ARHGAP31: variants seen among roughly 807,000 people sequenced by gnomAD.
ARHGAP31 encodes Rho GTPase activating protein 31.
Under a neutral mutation model 113.9 loss-of-function variants are expected in ARHGAP31, and 34 were observed. The observed-to-expected ratio is 0.30, with a 90% CI of 0.23 to 0.40. The LOEUF (loss-of-function observed/expected upper bound fraction) is 0.40. ARHGAP31 is among the 10% of genes least tolerant of loss of function. The probability of loss-of-function intolerance (pLI) is 1.00; values close to 1 mark genes in which losing one functional copy is unlikely to be tolerated. For synonymous variants in ARHGAP31, 650 were observed against 684.8 expected, an observed-to-expected ratio of 0.95 and a Z score of 0.79; for missense variants, 1,548 against 1,767.1, an observed-to-expected ratio of 0.88 and a Z score of 2.22.
chr3:119,310,277 G>A (rs991155899), intron 1 of ARHGAP31, among the ~76,000 whole-genome samples: 2 of 152,230 alleles, frequency 1.3e-5, no homozygotes, highest in African/African-American at 4.8e-5. Flanking sequence ...AAGCTTCCAG[G>A]AGAGCAGCCA....
chr3:119,321,281 A>AC (rs1195448857), intron 1 of ARHGAP31, among the ~76,000 whole-genome samples: 23 of 55,608 alleles, frequency 4.1e-4, no homozygotes, highest in East Asian at 1.5e-3. Flanking sequence ...TATATATACT[A>AC]TATATATATA....
chr3:119,303,292 A>G (rs1387181335), intron 1 of ARHGAP31, among the ~76,000 whole-genome samples: 2 of 152,326 alleles, frequency 1.3e-5, no homozygotes, highest in African/African-American at 4.8e-5. Flanking sequence ...CTGGATTATC[A>G]GGAATCCAAT....
intron 1 of ARHGAP31, among the ~76,000 whole-genome samples, chr3:119,316,597 T>C (rs746755932): frequency 1.3e-5 from 2 of 152,172 alleles, no homozygotes; most frequent in African/African-American, 4.8e-5. Context: ...GTTGGTGAAA[T>C]AGTTGCTGTG....
At chr3:119,380,124 A>G (rs1399389224) in intron 3 of ARHGAP31, among the ~76,000 whole-genome samples, 1 of 152,180 alleles carries the variant, frequency 6.6e-6, no homozygotes. Flanking sequence ...CAAAATACCC[A>G]TACAGCAAAT....
At chr3:119,301,445 T>C (rs139697699) in intron 1 of ARHGAP31, among the ~76,000 whole-genome samples, 8 of 152,332 alleles carry the variant, frequency 5.3e-5, no homozygotes, top group African/African-American at 1.9e-4. Context: ...CTGTAAGCGG[T>C]GGACACACTC....
At chr3:119,392,394 G>A (rs997058390) in intron 7 of ARHGAP31, among the ~76,000 whole-genome samples, 2 of 152,216 alleles carry the variant, frequency 1.3e-5, no homozygotes, top group Non-Finnish European at 2.9e-5. Context: ...ACTGCAGTAA[G>A]CCTTGTTTGC....
chr3:119,332,349 G>A (rs991549261), intron 1 of ARHGAP31, among the ~76,000 whole-genome samples: 1 of 151,784 alleles, frequency 6.6e-6, no homozygotes, highest in South Asian at 2.1e-4. Flanking sequence ...ACAGGCGCCC[G>A]ACACCATGCC....
chr3:119,352,370 A>G (rs1375533584), intron 1 of ARHGAP31, among the ~76,000 whole-genome samples: 2 of 152,134 alleles, frequency 1.3e-5, no homozygotes, highest in Non-Finnish European at 2.9e-5. Context: ...CTCATTCGCT[A>G]CTGATGACTT....
chr3:119,333,130 C>T (rs2079910662), intron 1 of ARHGAP31, among the ~76,000 whole-genome samples: 1 of 152,114 alleles, frequency 6.6e-6, no homozygotes, highest in Non-Finnish European at 1.5e-5. Flanking sequence ...GCTATTTGTT[C>T]CATATGTTGG....
At chr3:119,396,136 T>C (rs550089311) in intron 8 of ARHGAP31, among the ~76,000 whole-genome samples, 4 of 152,296 alleles carry the variant, frequency 2.6e-5, no homozygotes, top group African/African-American at 9.6e-5. Context: ...TTAGGAAGAT[T>C]TCCACCCCCA....
At chr3:119,404,431 G>A (rs61579022) in intron 10 of ARHGAP31, among the ~76,000 whole-genome samples, 46,129 of 152,094 alleles carry the variant, frequency 0.3, 8,572 homozygotes, top group East Asian at 0.41. Context: ...CCAGATCTGA[G>A]ACTGAGGGTG....
At chr3:119,368,631 G>T in intron 3 of ARHGAP31, 115 bp downstream of exon 3, 1 of 1,334,476 alleles carries the variant, frequency 7.5e-7, no homozygotes, top group Non-Finnish European at 1.1e-6. Context: ...CATTATCTTA[G>T]CGTGGTGAGG....
chr3:119,417,767 A>G lies in ARHGAP31; in HGVS notation c.*1503A>G, dbSNP rs1404711889. The G allele has an allele frequency of 6.6e-6, 1 of 152,124 alleles. No homozygotes were observed. 9.4% of individuals were successfully genotyped at this position (152,124 alleles called of 1,614,324 possible). The stretch of plus-strand genomic sequence containing the variant: ...CTTTCCTTTCCAGCTGGCGAGAGAA[A>G]GGAGAACTAATATACCTGCTGGCAG... On this transcript the variant is annotated 3_prime_UTR_variant, in exon 12 of 12. Transcript: ENST00000264245.
intron 3 of ARHGAP31, among the ~76,000 whole-genome samples, chr3:119,380,614 C>T (rs1269396778): frequency 2.0e-5 from 3 of 146,898 alleles, no homozygotes; most frequent in African/African-American, 5.0e-5. Context: ...GAGACACACC[C>T]GAGATTCTAC....
intron 1 of ARHGAP31, among the ~76,000 whole-genome samples, chr3:119,324,303 G>A (rs2079820781): frequency 6.6e-6 from 1 of 152,170 alleles, no homozygotes; most frequent in Admixed American, 6.5e-5. Context: ...GGCCATCTAT[G>A]TAATAAATTT....
Position 119,415,367 on chromosome 3 carries a change from C to A in ARHGAP31, c.3438C>A (p.Thr1146=). ...EPGDPKVTWM[T]SSYCKADPWR... is the part of the protein sequence containing the mutation. ...GAGACCCAAAGGTCACATGGATGAC[C>A]TCATCTTACTGTAAAGCAGACCCCT... is the stretch of plus-strand genomic sequence containing the variant. Residue 1146 remains threonine (T), a synonymous_variant, in exon 12 of 12, where the codon ACC becomes ACA. Transcript: ENST00000264245. 6.2e-7 allele frequency: 1 copy of A among 1,614,090 alleles called. No homozygotes were observed.
Position 119,416,464 on chromosome 3 carries a change from T to C in ARHGAP31, c.*200T>C. Reference sequence around the variant, plus strand: ...GTCAAGGGAAAAACGAGAGATGAAATTTAGTTAAGTCTATGTGAGCAAGTG... The same window carrying C: ...GTCAAGGGAAAAACGAGAGATGAAACTTAGTTAAGTCTATGTGAGCAAGTG... On this transcript the variant is annotated 3_prime_UTR_variant, in exon 12 of 12. Coordinates refer to ENST00000264245, the MANE Select transcript of ARHGAP31 (RefSeq NM_020754.4). 1.4e-6 allele frequency: 1 copy of C among 725,896 alleles called. No individual in the cohort carries two copies. Among genetic ancestry groups the C allele is most frequent in the Non-Finnish European group, 2.3e-6 (1 of 443,076 alleles). 45.0% of individuals were successfully genotyped at this position (725,896 alleles called of 1,614,324 possible). A position where few individuals can be genotyped will look rare whatever the true frequency, so the allele number is the denominator to read the frequency against.
chr3:119,414,001 G>C lies in ARHGAP31; in HGVS notation c.2072G>C (p.Gly691Ala), dbSNP rs775320236. 1 of 1,614,080 alleles carries C rather than the reference G, an allele frequency of 6.2e-7. No individual in the cohort carries two copies. Among genetic ancestry groups the C allele is most frequent in the Non-Finnish European group, 8.5e-7 (1 of 1,180,026 alleles). The change falls in exon 12 of 12, where the codon GGG (glycine) becomes GCG (alanine). Residue 691 changes from glycine (G) to alanine (A), a missense_variant. Gly to Ala is a moderately conservative substitution (Grantham distance 60). Coordinates refer to ENST00000264245, the MANE Select transcript of ARHGAP31 (RefSeq NM_020754.4). ...PIQPILESSL[G>A]PFIPSEPPGS... The stretch of plus-strand genomic sequence containing the variant: ...CAGCCTATTCTCGAGTCGAGTCTGG[G>C]GCCCTTTATTCCCTCAGAGCCTCCT...
At chr3:119,356,651 A>G (rs1184374034) in intron 1 of ARHGAP31, among the ~76,000 whole-genome samples, 1 of 152,042 alleles carries the variant, frequency 6.6e-6, no homozygotes, top group African/African-American at 2.4e-5. Context: ...AGAAAAAAAA[A>G]GAAAAAACAA....
Sources: allele counts gnomAD v4.1 joint callset (sites outside exome capture counted in the v4.1 genomes callset), GRCh38; gene constraint gnomAD v4.1.1; transcripts MANE v1.5; gene names NCBI Gene and HGNC (gene_info 2026-07-23, HGNC 2026-07-21).